TMEM178B: variants seen among roughly 807,000 people sequenced by gnomAD.
The protein encoded by TMEM178B is transmembrane protein 178B.
In TMEM178B, 5 loss-of-function variants were observed where a neutral mutation model predicts 31.0. The observed-to-expected ratio is 0.16, with a 90% CI of 0.08 to 0.34. TMEM178B has a LOEUF of 0.34. Among genes scored for constraint, TMEM178B ranks in the 10% least tolerant of loss-of-function variants. TMEM178B has a pLI of 1.00. For missense variants in TMEM178B, 275 were observed against 400.3 expected (o/e 0.69, Z 2.67); for synonymous variants, 164 against 164.0 (o/e 1.00, Z 0.00).
chr7:141,098,285 G>A (rs1794998515), intron 1 of TMEM178B, among the ~76,000 whole-genome samples: 1 of 152,150 alleles, frequency 6.6e-6, no homozygotes, highest in African/African-American at 2.4e-5. Flanking sequence ...CAGTGTCAAT[G>A]GAAGAATGTT....
chr7:141,344,653 A>G lies in TMEM178B; in HGVS notation c.497-92955A>G, dbSNP rs1174807750. On this transcript the variant is annotated intron_variant, in intron 2 of 3. Coordinates refer to ENST00000565468, the MANE Select transcript of TMEM178B (RefSeq NM_001195278.2). This position sits in a 1 kb window ranked among gnomAD's most constrained non-coding sequence, Gnocchi z 4.1. ...CTCCCTTCCTTCTTCCCTTCATCAA[A>G]AGACCTCTCAGAGGGAGGAACAAAG... Among the ~76,000 whole-genome samples, 9 of 146,426 alleles carry G rather than the reference A, an allele frequency of 6.1e-5. No individual in the cohort carries two copies. Among genetic ancestry groups the G allele is most frequent in the Non-Finnish European group, 3.0e-5 (2 of 66,966 alleles).
chr7:141,350,111 T>C (rs1183528095), intron 2 of TMEM178B, among the ~76,000 whole-genome samples: 1 of 152,096 alleles, frequency 6.6e-6, no homozygotes, highest in Non-Finnish European at 1.5e-5. Context: ...GTTACAGAGA[T>C]GAATAAGACA....
chr7:141,505,266 G>A, the TMEM178B span, among the ~76,000 whole-genome samples: 3 of 152,224 alleles, frequency 2.0e-5, no homozygotes, highest in African/African-American at 7.2e-5. Flanking sequence ...AAGCTAAAAA[G>A]CATCCACCAC....
intron 2 of TMEM178B, among the ~76,000 whole-genome samples, chr7:141,259,083 G>A (rs1478375114): frequency 2.0e-5 from 3 of 151,960 alleles, no homozygotes; most frequent in African/African-American, 7.2e-5. Flanking sequence ...TGTCTTCTGG[G>A]ACTTCTATTA....
intron 2 of TMEM178B, among the ~76,000 whole-genome samples, chr7:141,314,051 C>T (rs946555803): frequency 1.3e-5 from 2 of 152,182 alleles, no homozygotes; most frequent in Non-Finnish European, 2.9e-5. Flanking sequence ...GTGGCGCAGC[C>T]GTTTCAGCCT....
At chr7:141,290,724 A>G (rs217017) in intron 2 of TMEM178B, among the ~76,000 whole-genome samples, 15,361 of 152,228 alleles carry the variant, frequency 0.1, 1,143 homozygotes, top group African/African-American at 0.21. Context: ...CTTGAACTCT[A>G]TAACACCTGC....
intron 2 of TMEM178B, among the ~76,000 whole-genome samples, chr7:141,223,999 C>T (rs1159462271): frequency 6.6e-6 from 1 of 152,072 alleles, no homozygotes; most frequent in Admixed American, 6.5e-5. Flanking sequence ...GTGGGAGGGG[C>T]CGGTGGGAGA....
chr7:141,114,489 G>A lies in TMEM178B; in HGVS notation c.382+39797G>A, dbSNP rs142598764. ...CTTTGGGAGACCTGTTGGACTTCAT[G>A]CCTGTGCTATCTGGAGATGCAAAGG... On this transcript the variant is annotated intron_variant, in intron 1 of 3. Coordinates refer to ENST00000565468, the MANE Select transcript of TMEM178B (RefSeq NM_001195278.2). Among the ~76,000 whole-genome samples, 11 of 152,320 alleles carry A rather than the reference G, an allele frequency of 7.2e-5. No homozygotes were observed. In the East Asian group the frequency reaches 2.1e-3, roughly 29 times the overall value.
At chr7:141,388,731 G>A (rs1461703758) in intron 2 of TMEM178B, among the ~76,000 whole-genome samples, 1 of 152,168 alleles carries the variant, frequency 6.6e-6, no homozygotes, top group African/African-American at 2.4e-5. Flanking sequence ...CAACTCCTTT[G>A]CCATTTGGAA....
chr7:141,143,151 T>A (rs1284445451), intron 1 of TMEM178B, among the ~76,000 whole-genome samples: 2 of 152,232 alleles, frequency 1.3e-5, no homozygotes, highest in African/African-American at 4.8e-5. Flanking sequence ...TTTGCAAATA[T>A]TCTTCCATTC....
At chr7:141,468,638 A>G (rs963893858) in intron 3 of TMEM178B, among the ~76,000 whole-genome samples, 1 of 152,184 alleles carries the variant, frequency 6.6e-6, no homozygotes, top group Non-Finnish European at 1.5e-5. Flanking sequence ...ACATGCCACA[A>G]ATTTAGTGAG....
chr7:141,225,544 T>C (rs1435701322), intron 2 of TMEM178B, among the ~76,000 whole-genome samples: 2 of 152,182 alleles, frequency 1.3e-5, no homozygotes, highest in East Asian at 3.8e-4. Flanking sequence ...AGACAGGACT[T>C]CTCTGGAAAT....
chr7:141,452,418 C>T (rs1212882649), intron 3 of TMEM178B, among the ~76,000 whole-genome samples: 1 of 152,250 alleles, frequency 6.6e-6, no homozygotes, highest in African/African-American at 2.4e-5. Flanking sequence ...GTTTTCTTCA[C>T]TTCCTTGCAG....
chr7:141,310,780 C>T lies in TMEM178B; in HGVS notation c.496+98076C>T, dbSNP rs1798895378. 3.3e-5 allele frequency among the ~76,000 whole-genome samples: 5 copies of T among 152,168 alleles called. 1 individual carries two copies. On this transcript the variant is annotated intron_variant, in intron 2 of 3. Transcript: ENST00000565468. ...ACCTAGAACCAGAAATACCATTTGA[C>T]CCAGCAATCCATTACTGGATATATA...
intron 1 of TMEM178B, among the ~76,000 whole-genome samples, chr7:141,170,176 A>T (rs528654421): frequency 1.4e-4 from 21 of 152,308 alleles, no homozygotes; most frequent in African/African-American, 5.1e-4. Flanking sequence ...TACTGGGTCA[A>T]AGACTGGGCA....
At chr7:141,225,390 GT>G (rs1797325097) in intron 2 of TMEM178B, among the ~76,000 whole-genome samples, 1 of 151,844 alleles carries the variant, frequency 6.6e-6, no homozygotes, top group South Asian at 2.1e-4. Context: ...CCACTTCTCA[GT>G]TTTTCTTTTT....
chr7:141,332,334 G>A (rs1799313070), intron 2 of TMEM178B, among the ~76,000 whole-genome samples: 1 of 152,108 alleles, frequency 6.6e-6, no homozygotes, highest in African/African-American at 2.4e-5. Context: ...GCCTCCGTCG[G>A]CTCACTACCC....
intron 2 of TMEM178B, among the ~76,000 whole-genome samples, chr7:141,382,808 C>T (rs1238896151): frequency 6.6e-6 from 1 of 152,214 alleles, no homozygotes; most frequent in Non-Finnish European, 1.5e-5. Flanking sequence ...ACAAACAAAC[C>T]TCACAATGCA....
intron 3 of TMEM178B, among the ~76,000 whole-genome samples, chr7:141,441,248 A>G (rs957745635): frequency 3.3e-5 from 5 of 152,236 alleles, no homozygotes; most frequent in African/African-American, 1.2e-4. Context: ...CTTGACCTCT[A>G]GAACCCTGTA....
Sources: gnomAD v4.1 joint callset for allele counts (sites outside exome capture counted in the v4.1 genomes callset) on GRCh38, gnomAD v4.1.1 for gene constraint, Gnocchi (gnomAD v3.1) non-coding constraint, MANE v1.5 for transcripts, NCBI Gene and HGNC (gene_info 2026-07-23, HGNC 2026-07-21) for gene names.